TJP1: variants seen among roughly 807,000 people sequenced by gnomAD.
The protein encoded by TJP1 is tight junction protein ZO-1.
Under a neutral mutation model 194.2 loss-of-function variants are expected in TJP1, and 43 were observed. That is an observed-to-expected ratio of 0.22 (90% CI 0.17 to 0.29). The LOEUF (loss-of-function observed/expected upper bound fraction) is 0.29. Ranked by LOEUF, TJP1 falls within the 10% of genes least tolerant of loss-of-function variation. TJP1 has a pLI of 1.00. For missense variants in TJP1, 1,971 were observed against 2,185.7 expected (o/e 0.90, Z 1.96); for synonymous variants, 801 against 779.0 (o/e 1.03, Z -0.47).
At chr15:29,924,367 A>T (rs927059244) in intron 2 of TJP1, among the ~76,000 whole-genome samples, 2 of 152,202 alleles carry the variant, frequency 1.3e-5, no homozygotes, top group African/African-American at 4.8e-5. Flanking sequence ...CACCATGCTC[A>T]GCCAATAATT....
chr15:29,919,032 C>T (rs1284392613), intron 2 of TJP1, among the ~76,000 whole-genome samples: 3 of 152,152 alleles, frequency 2.0e-5, no homozygotes, highest in African/African-American at 7.2e-5. Flanking sequence ...GGTGAAATGT[C>T]ACCATGCCGG....
intron 2 of TJP1, among the ~76,000 whole-genome samples, chr15:29,857,009 T>C (rs1305034291): frequency 1.3e-5 from 2 of 152,212 alleles, no homozygotes; most frequent in Non-Finnish European, 2.9e-5. Flanking sequence ...ATTTAACATA[T>C]ACCAGAGGGT....
Position 29,930,992 on chromosome 15 carries a change from C to T in TJP1, c.306+25240G>A, listed in dbSNP as rs541540964. 1.3e-4 allele frequency among the ~76,000 whole-genome samples: 20 copies of T among 152,174 alleles called. No individual in the cohort carries two copies. In the South Asian group the frequency reaches 2.5e-3, roughly 19 times the overall value. ...GCTGACCTTCATGCAGTCAAAAACC[C>T]ACCTATAACTCCTGACTCCCCCCAG... On this transcript the variant is annotated intron_variant, in intron 2 of 28. Transcript: ENST00000356107.
At chr15:29,801,463 A>T (rs978877869) in intron 1 of TJP1, among the ~76,000 whole-genome samples, 16 of 131,894 alleles carry the variant, frequency 1.2e-4, no homozygotes, top group African/African-American at 2.5e-4. Context: ...ATAAATTATT[A>T]TTTTTTTTTT....
chr15:29,759,901 G>A (rs1016731723), intron 8 of TJP1: 5 of 319,880 alleles, frequency 1.6e-5, no homozygotes, highest in Admixed American at 4.9e-5. Flanking sequence ...CTTGGCTATT[G>A]TGAATAATGC....
At chr15:29,705,151 A>G (rs560172936) in intron 26 of TJP1, among the ~76,000 whole-genome samples, 2 of 152,314 alleles carry the variant, frequency 1.3e-5, no homozygotes, top group East Asian at 3.9e-4. Context: ...AGGTTCTCCA[A>G]TCAGGTGAAG....
intron 1 of TJP1, among the ~76,000 whole-genome samples, chr15:29,807,618 C>CA (rs1477563171): frequency 6.6e-6 from 1 of 151,320 alleles, no homozygotes; most frequent in Non-Finnish European, 1.5e-5. Flanking sequence ...CTTCACAGAT[C>CA]AAAAAATTAA....
At chr15:29,877,085 T>C (rs1166088282) in intron 2 of TJP1, among the ~76,000 whole-genome samples, 1 of 152,266 alleles carries the variant, frequency 6.6e-6, no homozygotes, top group African/African-American at 2.4e-5. Flanking sequence ...ATTCTACAGC[T>C]AATGTTAACT....
chr15:29,768,335 A>G (rs972541232), intron 4 of TJP1, among the ~76,000 whole-genome samples: 4 of 152,228 alleles, frequency 2.6e-5, no homozygotes, highest in East Asian at 1.9e-4. Context: ...TTATAGGGTA[A>G]TATTTTCTGT....
At position 29,928,588 on chromosome 15, in the gene TJP1, G is replaced by A. The variant is rs537916986; in HGVS notation, c.306+27644C>T. 3.3e-4 allele frequency among the ~76,000 whole-genome samples: 50 copies of A among 152,214 alleles called. 5 individuals carry two copies. The highest frequency in any genetic ancestry group is 1.2e-3 in the African/African-American group (48 of 41,554). On this transcript the variant is annotated intron_variant, in intron 2 of 28. Transcript: ENST00000356107. Reference sequence around the variant, plus strand: ...GACATAGACAAGATAACTCCTACTCGCAAAATCTGATCACTAGAAGGAAAA... The same window carrying A: ...GACATAGACAAGATAACTCCTACTCACAAAATCTGATCACTAGAAGGAAAA...
chr15:29,821,946 T>C, intron 1 of TJP1, 56 bp downstream of exon 1: 1 of 1,209,464 alleles, frequency 8.3e-7, no homozygotes, highest in Non-Finnish European at 1.0e-6. Flanking sequence ...CAGATGCCGG[T>C]GGGCGGGCGG....
In TJP1 at chr15:29,738,189, A is replaced by G. The variant is rs371667701; in HGVS notation, c.1257-775T>C. Among the ~76,000 whole-genome samples, 46 of 152,342 alleles carry G rather than the reference A, an allele frequency of 3.0e-4. No individual in the cohort carries two copies. In the East Asian group the frequency reaches 7.0e-3, roughly 23 times the overall value. Reference sequence around the variant, plus strand: ...ACTGACTGGATAGAAACAGACTGTAATTAAAAATTACCCACTATATTTCCC... The same window carrying G: ...ACTGACTGGATAGAAACAGACTGTAGTTAAAAATTACCCACTATATTTCCC... On this transcript the variant is annotated intron_variant, in intron 10 of 27. Coordinates refer to ENST00000614355, the MANE Select transcript of TJP1 (RefSeq NM_001330239.4).
intron 10 of TJP1, among the ~76,000 whole-genome samples, chr15:29,738,185 T>C (rs1337600797): frequency 1.3e-5 from 2 of 152,174 alleles, no homozygotes; most frequent in Non-Finnish European, 2.9e-5. Flanking sequence ...AGAAACAGAC[T>C]GTAATTAAAA....
At chr15:29,838,340 G>C (rs2051105258) in intron 2 of TJP1, among the ~76,000 whole-genome samples, 1 of 152,132 alleles carries the variant, frequency 6.6e-6, no homozygotes. Context: ...CATAAGAATT[G>C]CTTGAACCCA....
At chr15:29,885,980 C>A (rs1053154883) in intron 2 of TJP1, among the ~76,000 whole-genome samples, 4 of 152,128 alleles carry the variant, frequency 2.6e-5, no homozygotes, top group African/African-American at 7.2e-5. Flanking sequence ...AAGGAAAGAG[C>A]AAAAGCATTA....
At chr15:29,891,290 T>C (rs2053299901) in intron 2 of TJP1, among the ~76,000 whole-genome samples, 1 of 152,194 alleles carries the variant, frequency 6.6e-6, no homozygotes, top group African/African-American at 2.4e-5. Context: ...TCTGAAGTCC[T>C]CCTACTCTCC....
Position 29,822,115 on chromosome 15 carries a change from T to C in TJP1, c.-87A>G. 2 of 1,212,902 alleles carry C rather than the reference T, an allele frequency of 1.6e-6. No individual in the cohort carries two copies. The highest frequency in any genetic ancestry group is 2.1e-6 in the Non-Finnish European group (2 of 973,702). 75.1% of individuals were successfully genotyped at this position (1,212,902 alleles called of 1,614,324 possible). On this transcript the variant is annotated 5_prime_UTR_variant, in exon 1 of 28. Transcript: ENST00000614355. ...CCCGCTCCTCACGCCACAGCCCAAA[T>C]AAACATCTCCCGAGAGCGAGCGGGG...
At chr15:29,699,909 C>T (rs1011887492), downstream of TJP1, 3 of 200,030 alleles carry the variant, frequency 1.5e-5, no homozygotes, top group African/African-American at 4.6e-5. Flanking sequence ...AGGGGGAAGT[C>T]GGCCTGCTGC....
At chr15:29,705,824 G>T in intron 25 of TJP1, 79 bp from the exon 26 acceptor site, 1 of 1,242,878 alleles carries the variant, frequency 8.0e-7, no homozygotes, top group Non-Finnish European at 1.1e-6. Flanking sequence ...TGTATTACGT[G>T]CTTTCACTTT....
Sources: gnomAD v4.1 joint callset for allele counts (sites outside exome capture counted in the v4.1 genomes callset) on GRCh38, gnomAD v4.1.1 for gene constraint, MANE v1.5 for transcripts, NCBI Gene and HGNC (gene_info 2026-07-23, HGNC 2026-07-21) for gene names.